ZNF451: variants seen among roughly 807,000 people sequenced by gnomAD.
ZNF451 encodes E3 SUMO-protein ligase ZNF451.
ZNF451 carries 80 observed loss-of-function variants against 107.1 expected under a neutral mutation model. That is an observed-to-expected ratio of 0.75 (90% confidence interval 0.62 to 0.90). ZNF451 has a LOEUF of 0.90. Among genes scored for constraint, ZNF451 ranks in the 40% least tolerant of loss-of-function variants. ZNF451 has a pLI of 0.00. For missense variants in ZNF451, 1,107 were observed against 1,236.2 expected (o/e 0.90, Z 1.57); for synonymous variants, 362 against 406.5 (o/e 0.89, Z 1.32).
At chr6:57,134,966 A>G (rs562481591) in intron 7 of ZNF451, 96 bp downstream of exon 7, 2 of 972,646 alleles carry the variant, frequency 2.1e-6, no homozygotes, top group South Asian at 3.5e-5. Flanking sequence ...TGCAATTACC[A>G]GTGATACACA....
At chr6:57,129,259 T>C (rs1831071026) in intron 5 of ZNF451, among the ~76,000 whole-genome samples, 2 of 152,158 alleles carry the variant, frequency 1.3e-5, no homozygotes, top group Non-Finnish European at 1.5e-5. Context: ...TATGTAGATA[T>C]TTAATAAGGA....
At chr6:57,113,812 G>T (rs1830233600) in intron 3 of ZNF451, among the ~76,000 whole-genome samples, 1 of 151,842 alleles carries the variant, frequency 6.6e-6, no homozygotes, top group South Asian at 2.1e-4. Flanking sequence ...TAGTAGAGAT[G>T]GGGTTTCACC....
At position 57,147,562 on chromosome 6, in the gene ZNF451, G is replaced by T. The variant is rs1353929221; in HGVS notation, c.1477G>T (p.Ala493Ser). 2 of 1,614,128 alleles carry T rather than the reference G, an allele frequency of 1.2e-6. No homozygotes were observed. The highest frequency in any genetic ancestry group is 8.5e-7 in the Non-Finnish European group (1 of 1,179,996). The change falls in exon 10 of 15, where the codon GCA (alanine) becomes TCA (serine). Residue 493 changes from alanine to serine, a missense_variant. By Grantham distance (99) the Ala-to-Ser change is moderately conservative (BLOSUM62 1). Around this residue, in one of 5 missense-constraint regions of ZNF451, gnomAD observed 608 missense variants for 649.2 expected, o/e 0.94. Transcript: ENST00000370706. ...TGCAGTAGAAAAGCATGTTTTCTCA[G>T]CAAACACAATGGGTTATAAATGTGT... ...EDAVEKHVFSANTMGYKCVVC... is the reference protein window; with the variant it reads ...EDAVEKHVFSSNTMGYKCVVC...
chr6:57,109,056 T>C (rs1235494187), intron 3 of ZNF451: 1 of 985,440 alleles, frequency 1.0e-6, no homozygotes, highest in African/African-American at 1.7e-5. Context: ...ATGGCTTTAC[T>C]GTCACCCCAC....
intron 3 of ZNF451, among the ~76,000 whole-genome samples, chr6:57,113,918 C>T (rs946319891): frequency 6.6e-6 from 1 of 152,114 alleles, no homozygotes; most frequent in African/African-American, 2.4e-5. Flanking sequence ...CGCCACCGCG[C>T]CCAGCCGAAA....
Position 57,147,923 on chromosome 6 carries a change from A to C in ZNF451, c.1838A>C (p.Asp613Ala), listed in dbSNP as rs1421317471. 6.2e-7 allele frequency: 1 copy of C among 1,614,126 alleles called. No individual in the cohort carries two copies. The highest frequency in any genetic ancestry group is 1.1e-5 in the South Asian group (1 of 91,080). ...RGKWQCRICEDMFDSQEYVKQ... is the reference protein window; with the variant it reads ...RGKWQCRICEAMFDSQEYVKQ... ...AAATGGCAATGCCGGATTTGTGAAGATATGTTTGATTCCCAGGAATATGTA... is the reference window on the plus strand; with the variant it reads ...AAATGGCAATGCCGGATTTGTGAAGCTATGTTTGATTCCCAGGAATATGTA... The change falls in exon 10 of 15, where the codon GAT becomes GCT. Residue 613 changes from aspartate to alanine, a missense_variant. This residue lies in a region of ZNF451 where 608 missense variants were observed against 649.2 expected (regional missense o/e 0.94). Transcript: ENST00000370706.
chr6:57,100,245 T>G (rs1829530426), intron 3 of ZNF451, among the ~76,000 whole-genome samples: 1 of 152,196 alleles, frequency 6.6e-6, no homozygotes, highest in Admixed American at 6.5e-5. Context: ...GAACTTAACA[T>G]ATCTTGAATG....
At chr6:57,121,989 A>ACAGTAACCAAAC (rs144646457) in intron 3 of ZNF451, among the ~76,000 whole-genome samples, 6,555 of 152,304 alleles carry the variant, frequency 0.043, 184 homozygotes, top group Non-Finnish European at 0.065. Flanking sequence ...CTACAAGGCT[A>ACAGTAACCAAAC]CAGTAACCAA....
At chr6:57,132,519 A>G (rs1219785906) in intron 5 of ZNF451, among the ~76,000 whole-genome samples, 1 of 152,220 alleles carries the variant, frequency 6.6e-6, no homozygotes, top group Non-Finnish European at 1.5e-5. Flanking sequence ...CAGGAGTTTG[A>G]GACCAGCCTG....
intron 7 of ZNF451, among the ~76,000 whole-genome samples, chr6:57,137,586 A>G (rs988941724): frequency 3.3e-5 from 5 of 152,164 alleles, no homozygotes; most frequent in African/African-American, 1.2e-4. Context: ...TCCAATGGCT[A>G]TTACATCACC....
intron 3 of ZNF451, chr6:57,105,756 T>A: frequency 1.0e-6 from 1 of 985,418 alleles, no homozygotes; most frequent in Non-Finnish European, 1.2e-6. Flanking sequence ...ACACAACTTA[T>A]ATTTGATAAG....
intron 14 of ZNF451, among the ~76,000 whole-genome samples, 190 bp downstream of exon 14, chr6:57,161,342 A>G (rs1211082557): frequency 6.6e-6 from 1 of 152,158 alleles, no homozygotes; most frequent in Non-Finnish European, 1.5e-5. Context: ...GAAAGCTAGA[A>G]TGGGTCAGCC....
chr6:57,111,884 ATATC>A lies in ZNF451; in HGVS notation c.186+12747_186+12750del, dbSNP rs199948406. Among the ~76,000 whole-genome samples the A allele has an allele frequency of 1.1e-4, 16 of 152,312 alleles. No individual in the cohort carries two copies. The East Asian group carries it at 3.1e-3, about 29-fold the overall frequency. On this transcript the variant is annotated intron_variant, in intron 3 of 14. Transcript: ENST00000370706. Reference sequence around the variant, plus strand: ...AATAAAGTACTTTACAGAATGGAGTATATCTATATGTGTGTTTTAAGATTTGTTC... The same window carrying A: ...AATAAAGTACTTTACAGAATGGAGTATATATGTGTGTTTTAAGATTTGTTC...
intron 14 of ZNF451, chr6:57,165,204 G>T (rs530707290): frequency 6.6e-6 from 1 of 152,082 alleles, no homozygotes; most frequent in Non-Finnish European, 1.5e-5. Flanking sequence ...ACTATAACAC[G>T]TCTCAGTGTG....
chr6:57,102,179 G>C, intron 3 of ZNF451: 25 of 1,431,698 alleles, frequency 1.7e-5, no homozygotes, highest in Non-Finnish European at 2.2e-5. Context: ...AGGATCTACA[G>C]GTAGGAGATC....
intron 2 of ZNF451, among the ~76,000 whole-genome samples, chr6:57,095,919 G>C (rs1829281010): frequency 6.6e-6 from 1 of 151,896 alleles, no homozygotes; most frequent in South Asian, 2.1e-4. Flanking sequence ...TGCCTCCTGG[G>C]CTAAAGCGAT....
Position 57,133,204 on chromosome 6 carries a change from A to G in ZNF451, c.575+12A>G, listed in dbSNP as rs1484993518. The G allele has an allele frequency of 6.2e-7, 1 of 1,611,118 alleles. No individual in the cohort carries two copies. The highest frequency in any genetic ancestry group is 1.1e-5 in the South Asian group (1 of 90,490). ...GGACATTTGAAAAGGTAAGTAGGAT[A>G]TTCATAATAGTGAATGCTGAAGATC... On this transcript the variant is annotated intron_variant, in intron 6 of 14. Coordinates refer to ENST00000370706, the MANE Select transcript of ZNF451 (RefSeq NM_001031623.3).
Position 57,141,363 on chromosome 6 carries a change from G to A in ZNF451, c.764G>A (p.Cys255Tyr). ...CCTCAGATTATTCAGTGTTTTGCATGTCCAAATTGCTTCCTTCTTTTTAGC... is the reference window on the plus strand; with the variant it reads ...CCTCAGATTATTCAGTGTTTTGCATATCCAAATTGCTTCCTTCTTTTTAGC... ...LLPQIIQCFACPNCFLLFSRK... is the reference protein window; with the variant it reads ...LLPQIIQCFAYPNCFLLFSRK... The change falls in exon 8 of 15, where the codon TGT (cysteine) becomes TAT (tyrosine). Residue 255 changes from cysteine to tyrosine, a missense_variant. Transcript: ENST00000370706. The A allele has an allele frequency of 6.2e-7, 1 of 1,613,264 alleles. No individual in the cohort carries two copies. Among genetic ancestry groups the A allele is most frequent in the Non-Finnish European group, 8.5e-7 (1 of 1,179,588 alleles).
chr6:57,161,120 C>T lies in ZNF451; in HGVS notation c.3107C>T (p.Thr1036Ile). The T allele has an allele frequency of 1.3e-6, 2 of 1,559,054 alleles. No homozygotes were observed. Among genetic ancestry groups the T allele is most frequent in the South Asian group, 1.2e-5 (1 of 81,062 alleles). Residue 1036 changes from threonine to isoleucine, a missense_variant, in exon 14 of 15, where the codon ACT (threonine) becomes ATT (isoleucine). By Grantham distance (89) the Thr-to-Ile change is moderately conservative. Coordinates refer to ENST00000370706, the MANE Select transcript of ZNF451 (RefSeq NM_001031623.3). ...DSDDNMGAKN[T>I]SIGEEFISTE... The stretch of plus-strand genomic sequence containing the variant: ...GATGATAACATGGGTGCCAAAAATA[C>T]TTCAATAGGAGAAGAATTTATATCC...
Sources: gnomAD v4.1 joint callset for allele counts (sites outside exome capture counted in the v4.1 genomes callset) on GRCh38, gnomAD v4.1.1 for gene constraint, gnomAD v4.1.1 regional missense constraint, MANE v1.5 for transcripts, NCBI Gene and HGNC (gene_info 2026-07-23, HGNC 2026-07-21) for gene names.